The following FGF13 variants were observed in gnomAD, a reference collection of about 807,000 sequenced individuals.
FGF13 encodes the protein fibroblast growth factor 13, also known as fibroblast growth factor homologous factor 2.
In FGF13, 2 loss-of-function variants were observed where a neutral mutation model predicts 19.5. That is an observed-to-expected ratio of 0.10 (90% CI 0.04 to 0.32). FGF13 has a LOEUF of 0.32. Ranked by LOEUF, FGF13 falls within the 10% of genes least tolerant of loss-of-function variation. The pLI is 1.00. For missense variants in FGF13, 113 were observed against 192.7 expected (o/e 0.59, Z 2.45); for synonymous variants, 72 against 76.9 (o/e 0.94, Z 0.33).
intron 1 of FGF13, among the ~76,000 whole-genome samples, chrX:139,175,647 A>G (rs1219579347): frequency 8.9e-6 from 1 of 111,952 alleles, no homozygotes; most frequent in Non-Finnish European, 1.9e-5. Flanking sequence ...TTCTGAATCT[A>G]TTGAGATAAT....
intron 2 of FGF13, among the ~76,000 whole-genome samples, chrX:138,858,759 A>C (rs2091272523): frequency 9.0e-6 from 1 of 111,289 alleles, no homozygotes; most frequent in Non-Finnish European, 1.9e-5. Context: ...TGTTTGTAAA[A>C]AAAAAAATAA....
At chrX:138,996,310 G>A (rs1890190656) in intron 1 of FGF13, among the ~76,000 whole-genome samples, 1 of 112,277 alleles carries the variant, frequency 8.9e-6, no homozygotes, top group Non-Finnish European at 1.9e-5. Flanking sequence ...CAGGAGGAAC[G>A]GTACACTCCT....
intron 3 of FGF13, among the ~76,000 whole-genome samples, chrX:138,807,703 C>G (rs1477557747): frequency 2.7e-5 from 3 of 111,465 alleles, no homozygotes; most frequent in Non-Finnish European, 3.8e-5. Context: ...AGACCCATCT[C>G]ATGTGCAGAG....
At chrX:138,655,207 T>C (rs1313039138) in intron 3 of FGF13, among the ~76,000 whole-genome samples, 2 of 112,077 alleles carry the variant, frequency 1.8e-5, no homozygotes, top group Admixed American at 1.9e-4. Context: ...GTAGTCTTCA[T>C]TTGGGAGTGG....
intron 1 of FGF13, among the ~76,000 whole-genome samples, chrX:138,906,659 G>A (rs2091560033): frequency 8.9e-6 from 1 of 112,247 alleles, no homozygotes; most frequent in Non-Finnish European, 1.9e-5. Context: ...ACCTCACTGA[G>A]TGTAACATTT....
chrX:138,868,957 G>A (rs764423552), intron 1 of FGF13, among the ~76,000 whole-genome samples: 26 of 110,325 alleles, frequency 2.4e-4, no homozygotes, highest in African/African-American at 7.9e-4. Context: ...TAGTGCTAGC[G>A]GCAAAAAAAA....
intron 1 of FGF13, among the ~76,000 whole-genome samples, chrX:139,078,409 G>A (rs1239110188): frequency 2.7e-5 from 3 of 111,197 alleles, no homozygotes; most frequent in Admixed American, 9.7e-5. Flanking sequence ...GGAGTACAAG[G>A]ACAATGACAT....
intron 1 of FGF13, among the ~76,000 whole-genome samples, chrX:139,019,783 C>T (rs2092169399): frequency 9.1e-6 from 1 of 109,844 alleles, no homozygotes; most frequent in Admixed American, 9.7e-5. Context: ...CATAAAATCC[C>T]ACAATGAACC....
chrX:139,064,284 T>C (rs2092346959), intron 1 of FGF13, among the ~76,000 whole-genome samples: 3 of 12,722 alleles, frequency 2.4e-4, no homozygotes, highest in African/African-American at 1.3e-3. Flanking sequence ...TTTTTTTCTT[T>C]TTTTTTTTTT....
At chrX:138,829,428 T>C (rs984901665) in intron 3 of FGF13, among the ~76,000 whole-genome samples, 1 of 111,323 alleles carries the variant, frequency 9.0e-6, no homozygotes, top group Non-Finnish European at 1.9e-5. Context: ...TCTCTCACCA[T>C]GTGATCTCTG....
intron 1 of FGF13, among the ~76,000 whole-genome samples, chrX:139,152,691 T>C (rs2083944638): frequency 9.0e-6 from 1 of 111,068 alleles, no homozygotes; most frequent in Non-Finnish European, 1.9e-5. Context: ...TCAAATCTCT[T>C]CAAAGTTTAC....
chrX:138,944,932 T>G (rs771429243), intron 1 of FGF13, among the ~76,000 whole-genome samples: 2 of 111,216 alleles, frequency 1.8e-5, no homozygotes, highest in Admixed American at 1.9e-4. Flanking sequence ...TCTAAACTTA[T>G]GTATTGAGTG....
At chrX:139,140,021 C>T (rs1028174502) in intron 1 of FGF13, among the ~76,000 whole-genome samples, 4 of 111,388 alleles carry the variant, frequency 3.6e-5, no homozygotes, top group Non-Finnish European at 7.5e-5. Context: ...CAACTTAGTT[C>T]ATATCTTTTT....
At chrX:139,189,610 A>G (rs1213009684) in intron 1 of FGF13, among the ~76,000 whole-genome samples, 1 of 111,950 alleles carries the variant, frequency 8.9e-6, no homozygotes. Context: ...AGTTCCACTT[A>G]TACAAGGTAG....
At chrX:139,031,218 A>T (rs765583088) in intron 1 of FGF13, among the ~76,000 whole-genome samples, 1 of 111,411 alleles carries the variant, frequency 9.0e-6, no homozygotes, top group African/African-American at 3.3e-5. Context: ...GAGGCAAAAA[A>T]ATAATAATAA....
rs1194851492 is a variant in FGF13 at position 139,069,136 on chromosome X, T to C, written c.-113+134280A>G. Among the ~76,000 whole-genome samples, 13 of 100,532 alleles carry C rather than the reference T, an allele frequency of 1.3e-4. No homozygotes were observed. In the East Asian group the frequency reaches 4.1e-3, roughly 32 times the overall value. 87.3% of individuals were successfully genotyped at this position (100,532 alleles called of 115,157 possible). ...GGGTATATACCCAAAGGACTATAAA[T>C]CATGCTGCTATAAAGACACATGCAC... is the stretch of plus-strand genomic sequence containing the variant. On this transcript the variant is annotated intron_variant, in intron 1 of 2. Transcript: ENST00000421460.
At chrX:138,984,751 A>AAGAAGAGGGAGGAGGGGG (rs2091987414) in intron 1 of FGF13, among the ~76,000 whole-genome samples, 4 of 105,534 alleles carry the variant, frequency 3.8e-5, no homozygotes, top group Admixed American at 1.0e-4. Context: ...GGAGGAGGAG[A>AAGAAGAGGGAGGAGGGGG]AGGAGGAGAA....
At chrX:139,001,881 C>T (rs181993099) in intron 1 of FGF13, among the ~76,000 whole-genome samples, 131 of 111,927 alleles carry the variant, frequency 1.2e-3, no homozygotes, top group African/African-American at 4.2e-3. Context: ...TGTAAAGACA[C>T]ATGCACACAT....
At chrX:139,102,144 T>C (rs1386155037) in intron 1 of FGF13, among the ~76,000 whole-genome samples, 2 of 112,377 alleles carry the variant, frequency 1.8e-5, no homozygotes, top group African/African-American at 6.5e-5. Flanking sequence ...AGCATGATAA[T>C]TATTATAAAA....
Sources: allele counts gnomAD v4.1 joint callset (sites outside exome capture counted in the v4.1 genomes callset), GRCh38; gene constraint gnomAD v4.1.1; transcripts MANE v1.5; gene names NCBI Gene and HGNC (gene_info 2026-07-23, HGNC 2026-07-21).